The following HECTD4 variants were observed in gnomAD, a reference collection of about 807,000 sequenced individuals.
The protein encoded by HECTD4 is probable E3 ubiquitin-protein ligase HECTD4.
A neutral mutation model predicts 471.5 loss-of-function variants in HECTD4; 114 were observed. The ratio of observed to expected loss-of-function variants is 0.24; its 90% CI spans 0.21 to 0.28. The LOEUF (loss-of-function observed/expected upper bound fraction) is 0.28. Among genes scored for constraint, HECTD4 ranks in the 10% least tolerant of loss-of-function variants. The pLI is 1.00. For synonymous variants in HECTD4, 2,012 were observed against 2,256.0 expected, an observed-to-expected ratio of 0.89 and a Z score of 3.07; for missense variants, 3,866 against 5,651.5, an observed-to-expected ratio of 0.68 and a Z score of 10.13.
At chr12:112,249,220 G>A (rs923427181) in intron 25 of HECTD4, among the ~76,000 whole-genome samples, 2 of 152,076 alleles carry the variant, frequency 1.3e-5, no homozygotes, top group African/African-American at 4.8e-5. Context: ...CGGGTGTGGT[G>A]GCATGTGCCT....
At chr12:112,308,686 G>A in intron 6 of HECTD4, 67 bp downstream of exon 6, 5 of 1,350,598 alleles carry the variant, frequency 3.7e-6, no homozygotes, top group Non-Finnish European at 4.0e-6. Context: ...TATTACTTCT[G>A]ATGATATAGG....
At chr12:112,168,446 C>T (rs796504896) in intron 70 of HECTD4, among the ~76,000 whole-genome samples, 18 of 152,234 alleles carry the variant, frequency 1.2e-4, no homozygotes, top group African/African-American at 2.4e-4. Flanking sequence ...CATCCTCTCC[C>T]GCCGCCATTC....
Position 112,381,909 on chromosome 12 carries a change from G to A in HECTD4, c.177+43C>T. On this transcript the variant is annotated intron_variant, in intron 1 of 75. Coordinates refer to ENST00000682272, the MANE Select transcript of HECTD4 (RefSeq NM_001388303.1). The surrounding 1 kb of genome is among the most constrained non-coding windows in gnomAD (Gnocchi z 4.1). The stretch of plus-strand genomic sequence containing the variant: ...GGCCCGACCCGGGGGTGCCGGGCGA[G>A]TGGGTCAGTCCGATGGCGGGGGCCG... The A allele has an allele frequency of 7.4e-6, 9 of 1,208,510 alleles. No homozygotes were observed. Among genetic ancestry groups the A allele is most frequent in the African/African-American group, 1.6e-5 (1 of 63,640 alleles). 74.9% of individuals were successfully genotyped at this position (1,208,510 alleles called of 1,614,324 possible).
rs1278659492 is a variant in HECTD4 at position 112,178,109 on chromosome 12, G to A, written c.11363+822C>T. Among the ~76,000 whole-genome samples the A allele has an allele frequency of 2.6e-5, 4 of 152,202 alleles. No individual in the cohort carries two copies. In the East Asian group the frequency reaches 7.7e-4, roughly 29 times the overall value. On this transcript the variant is annotated intron_variant, in intron 64 of 75. Transcript: ENST00000682272. ...TTTTTTTGAGATAGGGTCTCGTTCT[G>A]TCACCAGTGCAGTGGTGTGATCATG...
intron 1 of HECTD4, among the ~76,000 whole-genome samples, chr12:112,324,094 C>CT (rs1171995107): frequency 1.2e-5 from 1 of 84,310 alleles, no homozygotes; most frequent in African/African-American, 7.4e-5. Flanking sequence ...TTCTTTCTTT[C>CT]TTTCTTTCCT....
intron 1 of HECTD4, among the ~76,000 whole-genome samples, chr12:112,360,984 CAAA>C (rs1195549482): frequency 6.8e-5 from 4 of 58,654 alleles, no homozygotes; most frequent in East Asian, 5.0e-4. Flanking sequence ...AACTCCGTCT[CAAA>C]AAAAAAAAAA....
intron 55 of HECTD4, 149 bp downstream of exon 55, chr12:112,200,489 A>G: frequency 2.5e-6 from 2 of 808,680 alleles, no homozygotes; most frequent in East Asian, 2.9e-5. Context: ...ACCTCCTGCA[A>G]TTTTGCTGTT....
chr12:112,323,703 T>TG (rs1000425639), intron 1 of HECTD4, among the ~76,000 whole-genome samples: 41 of 151,846 alleles, frequency 2.7e-4, no homozygotes, highest in African/African-American at 9.7e-4. Flanking sequence ...GGAGTTTTTT[T>TG]GGGGGGGTTG....
At chr12:112,282,891 A>G (rs2034674390) in intron 8 of HECTD4, among the ~76,000 whole-genome samples, 1 of 152,206 alleles carries the variant, frequency 6.6e-6, no homozygotes, top group Admixed American at 6.5e-5. Flanking sequence ...ACAGTTTAAC[A>G]TGGGGCTATT....
chr12:112,251,786 T>C (rs2033895682), intron 23 of HECTD4, among the ~76,000 whole-genome samples: 1 of 152,212 alleles, frequency 6.6e-6, no homozygotes, highest in South Asian at 2.1e-4. Flanking sequence ...TGTTTTTTAA[T>C]TTTTGAGACG....
chr12:112,288,554 G>A (rs2034807467), intron 7 of HECTD4, among the ~76,000 whole-genome samples: 1 of 152,024 alleles, frequency 6.6e-6, no homozygotes, highest in African/African-American at 2.4e-5. Flanking sequence ...CCCAGAGTGG[G>A]GAGTTTGCAG....
intron 7 of HECTD4, chr12:112,302,005 G>T: frequency 1.1e-6 from 1 of 922,886 alleles, no homozygotes; most frequent in Non-Finnish European, 1.8e-6. Context: ...CATTGGTCCT[G>T]ATACCTTCCA....
At position 112,184,132 on chromosome 12, in the gene HECTD4, T is replaced by G; in HGVS notation, c.10779+55A>C. On this transcript the variant is annotated intron_variant, in intron 61 of 75. Coordinates refer to ENST00000682272, the MANE Select transcript of HECTD4 (RefSeq NM_001388303.1). The surrounding 1 kb of genome is among the most constrained non-coding windows in gnomAD (Gnocchi z 9.1). ...TAACTTTGGAAGATTTAAAGAGGCT[T>G]GGGGGATTGAAATGGGTCATGATTT... The G allele has an allele frequency of 3.5e-6, 5 of 1,448,752 alleles. No homozygotes were observed. Among genetic ancestry groups the G allele is most frequent in the Non-Finnish European group, 3.8e-6 (4 of 1,054,184 alleles). 89.7% of individuals were successfully genotyped at this position (1,448,752 alleles called of 1,614,324 possible). A position where few individuals can be genotyped will look rare whatever the true frequency, so the allele number is the denominator to read the frequency against.
At chr12:112,267,312 T>G (rs1566093033) in intron 13 of HECTD4, 1 of 230,890 alleles carries the variant, frequency 4.3e-6, no homozygotes, top group Non-Finnish European at 8.4e-6. Context: ...AAACAAGATG[T>G]CAATTGATTA....
intron 1 of HECTD4, among the ~76,000 whole-genome samples, chr12:112,323,841 A>C (rs1390217147): frequency 6.6e-6 from 1 of 151,892 alleles, no homozygotes; most frequent in Non-Finnish European, 1.5e-5. Context: ...AAAGGAAAAA[A>C]ATTCCAACCA....
At chr12:112,262,469 T>C (rs1307466057) in intron 17 of HECTD4, among the ~76,000 whole-genome samples, 1 of 128,704 alleles carries the variant, frequency 7.8e-6, no homozygotes, top group East Asian at 3.0e-4. Context: ...TGAGCCGAGA[T>C]TGCACCACGG....
In HECTD4 at chr12:112,274,860, G is replaced by A. The variant is rs935234421; in HGVS notation, c.1788C>T (p.Leu596=). The change falls in exon 10 of 76, where the codon CTC becomes CTT. Residue 596 remains leucine (L), a synonymous_variant. Transcript: ENST00000682272. ...AAGSSLGRGA[L]VPGLGACYDT... ...TTTATTTCTTACCCAATCCTGGTACGAGAGCACCACGCCCCAGTGAGCTTC... is the reference window on the plus strand; with the variant it reads ...TTTATTTCTTACCCAATCCTGGTACAAGAGCACCACGCCCCAGTGAGCTTC... The A allele has an allele frequency of 6.0e-5, 93 of 1,545,324 alleles. No homozygotes were observed. Among genetic ancestry groups the A allele is most frequent in the Admixed American group, 2.6e-4 (13 of 50,942 alleles).
chr12:112,265,368 T>A, intron 15 of HECTD4, 73 bp from the exon 16 acceptor site: 1 of 976,856 alleles, frequency 1.0e-6, no homozygotes, highest in Non-Finnish European at 1.5e-6. Context: ...TTTATATAAT[T>A]AGTATAAGAT....
rs189270560 is a variant in HECTD4 at position 112,173,686 on chromosome 12, G to A, written c.11595-825C>T. Among the ~76,000 whole-genome samples, 13 of 151,802 alleles carry A rather than the reference G, an allele frequency of 8.6e-5. No homozygotes were observed. Among genetic ancestry groups the A allele is most frequent in the Non-Finnish European group, 1.9e-4 (13 of 67,974 alleles). On this transcript the variant is annotated intron_variant, in intron 66 of 75. Coordinates refer to ENST00000682272, the MANE Select transcript of HECTD4 (RefSeq NM_001388303.1). This position sits in a 1 kb window ranked among gnomAD's most constrained non-coding sequence, Gnocchi z 4.3. ...TGCGATTACAGGCGTGAGCCAATGC[G>A]CCCGGCCAATTTTTAATTTTTTTTT...
Sources: gnomAD v4.1 joint callset for allele counts (sites outside exome capture counted in the v4.1 genomes callset) on GRCh38, gnomAD v4.1.1 for gene constraint, Gnocchi (gnomAD v3.1) non-coding constraint, MANE v1.5 for transcripts, NCBI Gene and HGNC (gene_info 2026-07-23, HGNC 2026-07-21) for gene names.